Variants in ADGRL3 observed in about 807,000 individuals in gnomAD.
ADGRL3 encodes calcium-independent alpha-latrotoxin receptor 3.
A neutral mutation model predicts 153.5 loss-of-function variants in ADGRL3; 62 were observed. The ratio of observed to expected loss-of-function variants is 0.40; its 90% CI spans 0.33 to 0.50. The LOEUF is 0.50. ADGRL3 is among the 20% of genes least tolerant of loss of function. ADGRL3 has a pLI of 0.47. For synonymous variants in ADGRL3, 710 were observed against 672.5 expected, an observed-to-expected ratio of 1.06 and a Z score of -0.86; for missense variants, 1,641 against 1,859.4, an observed-to-expected ratio of 0.88 and a Z score of 2.16.
intron 4 of ADGRL3, among the ~76,000 whole-genome samples, chr4:61,549,953 T>G (rs1361320355): frequency 6.6e-6 from 1 of 151,990 alleles, no homozygotes; most frequent in African/African-American, 2.4e-5. Flanking sequence ...TTTCCTCTGT[T>G]TTTAATCTTA....
intron 1 of ADGRL3, among the ~76,000 whole-genome samples, chr4:61,229,596 G>T (rs1749653726): frequency 6.6e-6 from 1 of 151,760 alleles, no homozygotes; most frequent in African/African-American, 2.4e-5. Flanking sequence ...GTGAAAAGAA[G>T]TCAGGCTAAT....
intron 2 of ADGRL3, among the ~76,000 whole-genome samples, chr4:61,482,681 A>T (rs2152742214): frequency 6.6e-6 from 1 of 152,320 alleles, no homozygotes; most frequent in African/African-American, 2.4e-5. Flanking sequence ...TTTAAATAAA[A>T]ATAGGAGCCA....
In ADGRL3 at chr4:61,215,325, T is replaced by G. The variant is rs116407933; in HGVS notation, c.-240+13560T>G. 2.2e-3 allele frequency among the ~76,000 whole-genome samples: 339 copies of G among 152,244 alleles called. 3 individuals carry two copies. The highest frequency in any genetic ancestry group is 7.6e-3 in the African/African-American group (317 of 41,542). Reference sequence around the variant, plus strand: ...TGGACCTAGAAAAAACAAGTGAACATGAAAGCAGTTTTTGAAGTTACTGTT... The same window carrying G: ...TGGACCTAGAAAAAACAAGTGAACAGGAAAGCAGTTTTTGAAGTTACTGTT... On this transcript the variant is annotated intron_variant, in intron 1 of 26. Coordinates refer to ENST00000683033, the MANE Select transcript of ADGRL3 (RefSeq NM_001387552.1).
chr4:61,897,533 G>A (rs778793233), intron 11 of ADGRL3, among the ~76,000 whole-genome samples: 7 of 152,084 alleles, frequency 4.6e-5, no homozygotes, highest in Non-Finnish European at 8.8e-5. Context: ...CTGTCCCTCT[G>A]CACTCTGCCT....
intron 2 of ADGRL3, among the ~76,000 whole-genome samples, chr4:61,446,867 T>C (rs2643040): frequency 0.93 from 141,817 of 152,222 alleles, 66,903 homozygotes; most frequent in East Asian, 1. Flanking sequence ...ATAATTGCAT[T>C]ACAATAAAAG....
chr4:61,416,526 A>T (rs17291940), intron 2 of ADGRL3, among the ~76,000 whole-genome samples: 4,625 of 152,284 alleles, frequency 0.03, 223 homozygotes, highest in East Asian at 0.21. Context: ...TAGGAGTAAT[A>T]TTGCTTCCTA....
chr4:61,940,100 T>C (rs1260600507), intron 15 of ADGRL3, among the ~76,000 whole-genome samples: 1 of 106,600 alleles, frequency 9.4e-6, no homozygotes, highest in African/African-American at 3.6e-5. Context: ...CCCACCACAG[T>C]CCCCAGAGTG....
chr4:61,464,668 C>T (rs997113438), intron 2 of ADGRL3, among the ~76,000 whole-genome samples: 7 of 152,010 alleles, frequency 4.6e-5, no homozygotes, highest in Middle Eastern at 3.2e-3. Context: ...CCCATTTTAA[C>T]GTTAGGATCA....
intron 5 of ADGRL3, among the ~76,000 whole-genome samples, chr4:61,592,787 G>T (rs902806439): frequency 6.6e-6 from 1 of 152,084 alleles, no homozygotes; most frequent in African/African-American, 2.4e-5. Context: ...AAAAAATTTA[G>T]TAAATGATTC....
intron 1 of ADGRL3, among the ~76,000 whole-genome samples, chr4:61,245,318 T>C (rs953690542): frequency 2.6e-5 from 4 of 152,064 alleles, no homozygotes; most frequent in African/African-American, 9.7e-5. Flanking sequence ...TATCATGCTC[T>C]TTGTATTTGC....
intron 1 of ADGRL3, among the ~76,000 whole-genome samples, chr4:61,249,627 G>A (rs575222696): frequency 3.3e-5 from 5 of 152,118 alleles, no homozygotes; most frequent in East Asian, 3.9e-4. Flanking sequence ...TCCACACAAC[G>A]CTCATGTATC....
intron 4 of ADGRL3, among the ~76,000 whole-genome samples, chr4:61,565,577 G>A (rs544761029): frequency 1.3e-4 from 20 of 151,034 alleles, no homozygotes; most frequent in African/African-American, 3.4e-4. Flanking sequence ...CACTCTTGTC[G>A]CCCAGACTGA....
intron 4 of ADGRL3, among the ~76,000 whole-genome samples, chr4:61,574,393 T>C (rs904267310): frequency 7.9e-5 from 12 of 151,994 alleles, no homozygotes; most frequent in African/African-American, 2.7e-4. Flanking sequence ...ACTAATTAAG[T>C]AGAAATGTTA....
At chr4:62,034,086 G>C (rs1723654359) in intron 23 of ADGRL3, among the ~76,000 whole-genome samples, 1 of 151,646 alleles carries the variant, frequency 6.6e-6, no homozygotes, top group South Asian at 2.1e-4. Context: ...CAAATTTAGA[G>C]TTTTTAGTAT....
Position 61,461,779 on chromosome 4 carries a change from T to C in ADGRL3, c.-173-35342T>C, listed in dbSNP as rs570101941. Among the ~76,000 whole-genome samples the C allele has an allele frequency of 2.0e-5, 3 of 152,234 alleles. No homozygotes were observed. In the East Asian group the frequency reaches 5.8e-4, roughly 29 times the overall value. On this transcript the variant is annotated intron_variant, in intron 2 of 26. Transcript: ENST00000683033. ...ATTGAAAGGATCTATAGAAACACTG[T>C]TGTGTAACAAATAAGACCCAGGCTG...
chr4:61,446,375 C>A (rs1217050142), intron 2 of ADGRL3, among the ~76,000 whole-genome samples: 1 of 152,164 alleles, frequency 6.6e-6, no homozygotes, highest in African/African-American at 2.4e-5. Flanking sequence ...GCAAGTTAAT[C>A]TGATGAACTA....
At chr4:61,394,878 T>C (rs1024905149) in intron 2 of ADGRL3, among the ~76,000 whole-genome samples, 1 of 152,128 alleles carries the variant, frequency 6.6e-6, no homozygotes, top group African/African-American at 2.4e-5. Context: ...TCTGAATGGC[T>C]AGATTTTTAT....
chr4:61,833,997 G>A (rs908593016), intron 9 of ADGRL3, among the ~76,000 whole-genome samples: 19 of 148,502 alleles, frequency 1.3e-4, no homozygotes, highest in Non-Finnish European at 2.2e-4. Context: ...TAAGTTTTAG[G>A]GTACATGTGC....
chr4:61,764,791 G>T (rs1404427580), intron 8 of ADGRL3, among the ~76,000 whole-genome samples: 3 of 151,946 alleles, frequency 2.0e-5, no homozygotes, highest in African/African-American at 7.3e-5. Flanking sequence ...AGAGAGAATG[G>T]TCGATGTTTC....
Sources: allele counts gnomAD v4.1 joint callset (sites outside exome capture counted in the v4.1 genomes callset), GRCh38; gene constraint gnomAD v4.1.1; transcripts MANE v1.5; gene names NCBI Gene and HGNC (gene_info 2026-07-23, HGNC 2026-07-21).